WDPCP: variants seen among roughly 807,000 people sequenced by gnomAD.
WDPCP encodes WD repeat containing planar cell polarity effector.
WDPCP carries 71 observed loss-of-function variants against 93.1 expected under a neutral mutation model. The observed-to-expected ratio is 0.76, with a 90% confidence interval of 0.63 to 0.93. The LOEUF is 0.93. Ranked by LOEUF, WDPCP falls within the 40% of genes least tolerant of loss-of-function variation. The pLI, the probability that WDPCP is intolerant of heterozygous loss-of-function variation, is 0.00. For synonymous variants in WDPCP, 315 were observed against 315.0 expected, an observed-to-expected ratio of 1.00 and a Z score of 0.00; for missense variants, 844 against 887.4, an observed-to-expected ratio of 0.95 and a Z score of 0.62.
intron 3 of WDPCP, among the ~76,000 whole-genome samples, chr2:63,637,363 GAAAAAACA>G (rs1369076227): frequency 2.1e-5 from 1 of 48,208 alleles, no homozygotes; most frequent in Non-Finnish European, 4.3e-5. Context: ...CAAAAAAAAA[GAAAAAACA>G]AAAAAACAAA....
chr2:63,765,483 T>TCA (rs1485783007), intron 2 of WDPCP, among the ~76,000 whole-genome samples: 1 of 152,196 alleles, frequency 6.6e-6, no homozygotes, highest in African/African-American at 2.4e-5. Flanking sequence ...AGAGAGACCT[T>TCA]CACTGTTGTA....
rs906902171 is a variant in WDPCP, at chr2:63,500,349, A to G, written c.76-7409T>C. Among the ~76,000 whole-genome samples, 9 of 152,332 alleles carry G rather than the reference A, an allele frequency of 5.9e-5. No homozygotes were observed. In the East Asian group the frequency reaches 1.7e-3, roughly 29 times the overall value. On this transcript the variant is annotated intron_variant, in intron 1 of 17. Transcript: ENST00000272321. Reference sequence around the variant, plus strand: ...GAGTAAGATCACAGAAGAAAAATAAAGTCAAAGATAGATAGTCTGGTAATT... The same window carrying G: ...GAGTAAGATCACAGAAGAAAAATAAGGTCAAAGATAGATAGTCTGGTAATT...
chr2:63,826,227 T>C (rs1368010091), intron 1 of WDPCP, among the ~76,000 whole-genome samples: 1 of 151,986 alleles, frequency 6.6e-6, no homozygotes, highest in Non-Finnish European at 1.5e-5. Flanking sequence ...TGTATCCTAT[T>C]TTTTCTTTTT....
chr2:63,466,820 G>A (rs1699373317), intron 6 of WDPCP, among the ~76,000 whole-genome samples: 4 of 152,158 alleles, frequency 2.6e-5, no homozygotes. Context: ...TCCTGAACTG[G>A]CTTCCTTTGT....
chr2:63,600,291 A>C (rs767217056), intron 3 of WDPCP, among the ~76,000 whole-genome samples: 1 of 152,330 alleles, frequency 6.6e-6, no homozygotes, highest in East Asian at 1.9e-4. Context: ...TAATTTTTAT[A>C]GTAACCATAT....
intron 3 of WDPCP, among the ~76,000 whole-genome samples, chr2:63,611,353 A>G (rs969527417): frequency 1.3e-5 from 2 of 152,162 alleles, no homozygotes; most frequent in African/African-American, 4.8e-5. Context: ...ATACTGTTGA[A>G]TCTAGTTTGT....
At chr2:63,142,812 T>A (rs1316667901) in intron 17 of WDPCP, among the ~76,000 whole-genome samples, 2 of 124,108 alleles carry the variant, frequency 1.6e-5, no homozygotes, top group African/African-American at 6.1e-5. Flanking sequence ...AGCTGCAGTG[T>A]TAGGGGTGTG....
chr2:63,432,367 C>A (rs1016449293), intron 9 of WDPCP, among the ~76,000 whole-genome samples: 1 of 152,130 alleles, frequency 6.6e-6, no homozygotes, highest in Non-Finnish European at 1.5e-5. Flanking sequence ...CCCACAGCAC[C>A]ATTAACACTT....
At chr2:63,643,864 T>C (rs1710013537) in intron 3 of WDPCP, 1 of 538,940 alleles carries the variant, frequency 1.9e-6, no homozygotes, top group Middle Eastern at 6.2e-4. Flanking sequence ...AAATCTTCTT[T>C]ACTTCATCTC....
At chr2:63,461,400 G>A (rs1411077426) in intron 6 of WDPCP, among the ~76,000 whole-genome samples, 2 of 152,148 alleles carry the variant, frequency 1.3e-5, no homozygotes, top group Admixed American at 6.5e-5. Flanking sequence ...CATGTGAGAT[G>A]CTGGCTTCCC....
At chr2:63,783,235 G>C (rs1036528838) in intron 2 of WDPCP, among the ~76,000 whole-genome samples, 4 of 151,612 alleles carry the variant, frequency 2.6e-5, no homozygotes, top group African/African-American at 9.7e-5. Context: ...AATATGGCAA[G>C]ACTCTGTCTC....
At chr2:63,665,079 GCTCT>G (rs991293678) in intron 2 of WDPCP, among the ~76,000 whole-genome samples, 2 of 152,204 alleles carry the variant, frequency 1.3e-5, no homozygotes, top group Admixed American at 6.5e-5. Flanking sequence ...TTAGGAGAGT[GCTCT>G]CTCTATCAGA....
chr2:63,677,895 A>G (rs1028872413), intron 2 of WDPCP, among the ~76,000 whole-genome samples: 1 of 152,204 alleles, frequency 6.6e-6, no homozygotes, highest in African/African-American at 2.4e-5. Flanking sequence ...TTGCCTGTAT[A>G]TATTTTATTA....
chr2:63,799,815 G>A (rs989105161), intron 2 of WDPCP, among the ~76,000 whole-genome samples: 2 of 152,052 alleles, frequency 1.3e-5, no homozygotes, highest in African/African-American at 4.8e-5. Flanking sequence ...GGTCAGTAAA[G>A]TTTTCATTAG....
chr2:63,174,599 T>C, intron 15 of WDPCP, 71 bp downstream of exon 15: 1 of 1,587,386 alleles, frequency 6.3e-7, no homozygotes, highest in Non-Finnish European at 8.6e-7. Flanking sequence ...CTTGCTTTGC[T>C]ATTAGTTCGC....
At chr2:63,549,115 G>A (rs921247731) in intron 1 of WDPCP, among the ~76,000 whole-genome samples, 2 of 151,894 alleles carry the variant, frequency 1.3e-5, no homozygotes, top group African/African-American at 4.8e-5. Context: ...TGGGCATGGT[G>A]GCTGACGCCT....
intron 10 of WDPCP, among the ~76,000 whole-genome samples, chr2:63,397,003 C>G (rs1575324932): frequency 6.6e-6 from 1 of 152,100 alleles, no homozygotes; most frequent in East Asian, 1.9e-4. Flanking sequence ...GTATTTCAAG[C>G]TGGAGAATCC....
chr2:63,408,644 A>G (rs1162957182), intron 9 of WDPCP, among the ~76,000 whole-genome samples: 1 of 152,170 alleles, frequency 6.6e-6, no homozygotes, highest in African/African-American at 2.4e-5. Context: ...GGAGGCAGGT[A>G]GCCTAGGGCA....
chr2:63,717,849 G>A, intron 2 of WDPCP: 1 of 215,726 alleles, frequency 4.6e-6, no homozygotes, highest in Admixed American at 5.7e-5. Flanking sequence ...CCTCCCTCTA[G>A]AGAGGTCCAA....
Sources: gnomAD v4.1 joint callset for allele counts (sites outside exome capture counted in the v4.1 genomes callset) on GRCh38, gnomAD v4.1.1 for gene constraint, MANE v1.5 for transcripts, NCBI Gene and HGNC (gene_info 2026-07-23, HGNC 2026-07-21) for gene names.